NR3C2: variants seen among roughly 807,000 people sequenced by gnomAD.
NR3C2 encodes the protein nuclear receptor subfamily 3 group C member 2, also known as mineralocorticoid receptor.
NR3C2 carries 15 observed loss-of-function variants against 86.4 expected under a neutral mutation model. That is an observed-to-expected ratio of 0.17 (90% confidence interval 0.12 to 0.27). NR3C2 has a LOEUF of 0.27. Ranked by LOEUF, NR3C2 falls within the 10% of genes least tolerant of loss-of-function variation. The pLI is 1.00. For missense variants in NR3C2, 960 were observed against 1,195.6 expected (o/e 0.80, Z 2.91); for synonymous variants, 458 against 450.5 (o/e 1.02, Z -0.21).
chr4:148,271,668 C>T (rs1256435253), intron 2 of NR3C2, among the ~76,000 whole-genome samples: 5 of 152,118 alleles, frequency 3.3e-5, no homozygotes, highest in African/African-American at 9.7e-5. Flanking sequence ...GTCCCCTTTC[C>T]ACCTGCCCGC....
intron 2 of NR3C2, among the ~76,000 whole-genome samples, chr4:148,405,172 T>C (rs1335078264): frequency 6.6e-6 from 1 of 152,216 alleles, no homozygotes; most frequent in African/African-American, 2.4e-5. Context: ...ACAATGACAA[T>C]TTGACATGTT....
intron 4 of NR3C2, among the ~76,000 whole-genome samples, chr4:148,167,330 T>C (rs938245494): frequency 2.0e-5 from 3 of 152,214 alleles, no homozygotes; most frequent in Non-Finnish European, 4.4e-5. Flanking sequence ...TTCTAAGTCA[T>C]GTACTATGTA....
At chr4:148,311,790 C>G (rs1742913783) in intron 2 of NR3C2, among the ~76,000 whole-genome samples, 1 of 152,230 alleles carries the variant, frequency 6.6e-6, no homozygotes. Flanking sequence ...TTAGTCTGCA[C>G]CAGCCATGCT....
rs1238928036 is a variant in NR3C2, at chr4:148,081,026, G to GT, written c.*317dup. 6.6e-5 allele frequency: 26 copies of GT among 396,584 alleles called. No individual in the cohort carries two copies. The highest frequency in any genetic ancestry group is 1.2e-4 in the Non-Finnish European group (26 of 208,132). The allele number at this position is 396,584 out of a possible 1,614,324, so 24.6% of individuals were successfully genotyped here. A position where few individuals can be genotyped will look rare whatever the true frequency, so the allele number is the denominator to read the frequency against. On this transcript the variant is annotated 3_prime_UTR_variant, in exon 9 of 9. Coordinates refer to ENST00000358102, the MANE Select transcript of NR3C2 (RefSeq NM_000901.5). ...ACGATACCAGAAACTACACGGCATA[G>GT]TTAAAACTTCTTCCATCTGTGAAAA...
At chr4:148,346,881 T>C (rs1745024956) in intron 2 of NR3C2, among the ~76,000 whole-genome samples, 1 of 152,108 alleles carries the variant, frequency 6.6e-6, no homozygotes. Flanking sequence ...AGATAGTAAC[T>C]GAAGTTTGGA....
At chr4:148,159,944 C>A (rs1734580374) in intron 4 of NR3C2, among the ~76,000 whole-genome samples, 1 of 152,100 alleles carries the variant, frequency 6.6e-6, no homozygotes, top group Non-Finnish European at 1.5e-5. Context: ...GTGGCCAGAC[C>A]CAAACAGCAT....
intron 3 of NR3C2, among the ~76,000 whole-genome samples, chr4:148,259,361 T>C (rs2149870968): frequency 1.3e-5 from 2 of 152,300 alleles, no homozygotes; most frequent in South Asian, 4.1e-4. Flanking sequence ...TTAAAGACCA[T>C]TTCTCCTTAA....
At chr4:148,443,222 C>CAAAAAAAAAAAAAAAAA (rs59506438), upstream of NR3C2, among the ~76,000 whole-genome samples, 4 of 40,994 alleles carry the variant, frequency 9.8e-5, no homozygotes, top group African/African-American at 3.8e-4. Flanking sequence ...CCCCTAACAC[C>CAAAAAAAAAAAAAAAAA]AAAAAAAAAA....
At chr4:148,441,385 T>A (rs771080502) in intron 1 of NR3C2, among the ~76,000 whole-genome samples, 5 of 152,220 alleles carry the variant, frequency 3.3e-5, no homozygotes, top group Non-Finnish European at 7.3e-5. Context: ...CCTAGAGAAA[T>A]GGCAATACAA....
intron 2 of NR3C2, among the ~76,000 whole-genome samples, chr4:148,342,374 A>G (rs1744789007): frequency 6.6e-6 from 1 of 152,142 alleles, no homozygotes; most frequent in Non-Finnish European, 1.5e-5. Flanking sequence ...AATTCAACAA[A>G]CATTTATAGG....
intron 3 of NR3C2, among the ~76,000 whole-genome samples, chr4:148,215,644 C>G (rs1253086015): frequency 6.6e-6 from 1 of 152,168 alleles, no homozygotes; most frequent in Non-Finnish European, 1.5e-5. Flanking sequence ...ATGAGAACAT[C>G]AAGTGAAAAG....
At chr4:148,203,998 T>C (rs190790713) in intron 3 of NR3C2, among the ~76,000 whole-genome samples, 1,565 of 152,344 alleles carry the variant, frequency 0.01, 6 homozygotes, top group Non-Finnish European at 0.016. Context: ...AGCATTATTT[T>C]TTTTTCCTGT....
rs1478012632 is a variant in NR3C2, at chr4:148,080,479, A to AGAT, written c.*862_*864dup. 9 of 154,608 alleles carry AGAT rather than the reference A, an allele frequency of 5.8e-5. No homozygotes were observed. The highest frequency in any genetic ancestry group is 2.2e-4 in the African/African-American group (9 of 41,462). 9.6% of individuals were successfully genotyped at this position (154,608 alleles called of 1,614,324 possible). On this transcript the variant is annotated 3_prime_UTR_variant, in exon 9 of 9. Transcript: ENST00000358102. ...AAAAAAAATTACCTTGTTTAGACAA[A>AGAT]GATAGTACTTAAATAGTCTCCAGCA... is the stretch of plus-strand genomic sequence containing the variant.
At chr4:148,259,049 A>C (rs1739962995) in intron 3 of NR3C2, among the ~76,000 whole-genome samples, 3 of 152,216 alleles carry the variant, frequency 2.0e-5, no homozygotes, top group Non-Finnish European at 4.4e-5. Flanking sequence ...TTCATTCCAC[A>C]ACTAAAGATA....
chr4:148,114,448 A>G (rs540615267), intron 7 of NR3C2, among the ~76,000 whole-genome samples, 187 bp from the exon 8 acceptor site: 51 of 152,372 alleles, frequency 3.3e-4, no homozygotes, highest in Non-Finnish European at 2.5e-4. Flanking sequence ...ACAACTATTT[A>G]TCAGATGTGT....
chr4:148,298,820 C>T (rs1353825886), intron 2 of NR3C2, among the ~76,000 whole-genome samples: 2 of 152,188 alleles, frequency 1.3e-5, no homozygotes, highest in African/African-American at 2.4e-5. Context: ...ATATTTAAAA[C>T]ATATACTTGA....
chr4:148,444,960 G>C (rs1400255895), upstream of NR3C2: 1 of 984,864 alleles, frequency 1.0e-6, no homozygotes, highest in African/African-American at 1.7e-5. Context: ...TCCGGCGGCC[G>C]AGCGCGTGTG....
chr4:148,316,596 T>C (rs1743190144), intron 2 of NR3C2, among the ~76,000 whole-genome samples: 1 of 152,190 alleles, frequency 6.6e-6, no homozygotes, highest in Admixed American at 6.5e-5. Context: ...CTCTTTGCAA[T>C]TTCTTTTAAG....
chr4:148,388,394 G>T (rs1475674859), intron 2 of NR3C2, among the ~76,000 whole-genome samples: 1 of 152,104 alleles, frequency 6.6e-6, no homozygotes, highest in Non-Finnish European at 1.5e-5. Context: ...CGTCACATTG[G>T]CGCTCAAAAA....
Sources: gnomAD v4.1 joint callset for allele counts (sites outside exome capture counted in the v4.1 genomes callset) on GRCh38, gnomAD v4.1.1 for gene constraint, MANE v1.5 for transcripts, NCBI Gene and HGNC (gene_info 2026-07-23, HGNC 2026-07-21) for gene names.